EYS: variants seen among roughly 807,000 people sequenced by gnomAD.
The protein encoded by EYS is EGF-like photoreceptor maintenance factor, also known as protein eyes shut homolog.
Under a neutral mutation model 282.1 loss-of-function variants are expected in EYS, and 250 were observed. The observed-to-expected ratio is 0.89, with a 90% CI of 0.80 to 0.98. The LOEUF (loss-of-function observed/expected upper bound fraction) is 0.98. Ranked by LOEUF, EYS falls within the 50% of genes least tolerant of loss-of-function variation. The pLI is 0.00. For missense variants in EYS, 4,016 were observed against 3,709.0 expected (o/e 1.08, Z -2.15); for synonymous variants, 1,355 against 1,282.9 (o/e 1.06, Z -1.20).
intron 28 of EYS, among the ~76,000 whole-genome samples, chr6:64,427,895 AAAT>A (rs1774457685): frequency 1.3e-5 from 2 of 152,120 alleles, no homozygotes; most frequent in Non-Finnish European, 2.9e-5. Flanking sequence ...TAATTTTCTG[AAAT>A]AATGATTATT....
intron 2 of EYS, among the ~76,000 whole-genome samples, chr6:65,557,974 G>C (rs1454991510): frequency 2.0e-5 from 3 of 152,062 alleles, no homozygotes; most frequent in Non-Finnish European, 4.4e-5. Context: ...CATGCTGATT[G>C]GTTCATGGGT....
At chr6:64,792,570 A>G (rs949060841) in intron 22 of EYS, among the ~76,000 whole-genome samples, 2 of 152,028 alleles carry the variant, frequency 1.3e-5, no homozygotes, top group Non-Finnish European at 2.9e-5. Flanking sequence ...TATGAGATCA[A>G]TTGCCATTGA....
At chr6:64,237,729 ATGT>A (rs1766659404) in intron 30 of EYS, among the ~76,000 whole-genome samples, 1 of 152,216 alleles carries the variant, frequency 6.6e-6, no homozygotes, top group African/African-American at 2.4e-5. Context: ...CCAAAATTTT[ATGT>A]TGTTTTTAGT....
intron 22 of EYS, among the ~76,000 whole-genome samples, chr6:64,764,782 T>G (rs1386017604): frequency 6.6e-6 from 1 of 152,202 alleles, no homozygotes; most frequent in Non-Finnish European, 1.5e-5. Flanking sequence ...CTTGTCATCC[T>G]GGCTGGAGTG....
chr6:63,720,647 TTTAA>T lies in EYS; in HGVS notation c.9380_9383del (p.Ile3127AsnfsTer2), dbSNP rs1373607946. 1 of 1,531,112 alleles carries T rather than the reference TTTAA, an allele frequency of 6.5e-7. No individual in the cohort carries two copies. Among genetic ancestry groups the T allele is most frequent in the Non-Finnish European group, 8.8e-7 (1 of 1,137,944 alleles). The allele number at this position is 1,531,112 out of a possible 1,614,324, so 94.8% of individuals were successfully genotyped here. A position where few individuals can be genotyped will look rare whatever the true frequency, so the allele number is the denominator to read the frequency against. On this transcript the variant is annotated frameshift_variant, in exon 43 of 43. Coordinates refer to ENST00000503581, the MANE Select transcript of EYS (RefSeq NM_001142800.2). LOFTEE classifies it high-confidence loss of function. ...CATCATAAACATTGTATCCTTCTAA[TTTAA>T]TTAGTTCAATGTTTTTTGGTTCCTG...
intron 18 of EYS, among the ~76,000 whole-genome samples, chr6:64,893,379 C>T (rs1035295393): frequency 2.0e-5 from 3 of 152,028 alleles, no homozygotes; most frequent in Non-Finnish European, 4.4e-5. Flanking sequence ...AACCATGAGG[C>T]ATGTATGTAG....
At chr6:64,311,438 T>C (rs1769697176) in intron 29 of EYS, among the ~76,000 whole-genome samples, 1 of 152,242 alleles carries the variant, frequency 6.6e-6, no homozygotes, top group East Asian at 1.9e-4. Flanking sequence ...TCAAATATAG[T>C]TCTTATTATT....
intron 23 of EYS, among the ~76,000 whole-genome samples, chr6:64,620,612 G>A (rs1380286234): frequency 3.3e-5 from 5 of 152,176 alleles, no homozygotes; most frequent in Non-Finnish European, 7.3e-5. Flanking sequence ...AAACACGTAA[G>A]ATGAATAGGT....
intron 22 of EYS, among the ~76,000 whole-genome samples, chr6:64,712,820 A>C (rs1054855028): frequency 1.3e-5 from 2 of 152,200 alleles, no homozygotes; most frequent in East Asian, 3.9e-4. Flanking sequence ...CTGCAAAAGA[A>C]ACTGAAATGC....
intron 2 of EYS, among the ~76,000 whole-genome samples, chr6:65,564,632 A>G (rs1244466226): frequency 6.6e-6 from 1 of 152,174 alleles, no homozygotes; most frequent in Non-Finnish European, 1.5e-5. Context: ...CTCAAGATGG[A>G]TTAAAGCTTT....
intron 22 of EYS, among the ~76,000 whole-genome samples, chr6:64,727,753 T>C (rs1049164540): frequency 4.6e-5 from 7 of 152,148 alleles, no homozygotes; most frequent in Non-Finnish European, 4.4e-5. Context: ...AGTGACCCAA[T>C]CCTAGAACAT....
chr6:64,235,557 C>A (rs1766573720), intron 30 of EYS, among the ~76,000 whole-genome samples: 1 of 152,036 alleles, frequency 6.6e-6, no homozygotes, highest in Non-Finnish European at 1.5e-5. Flanking sequence ...TATATGTGTG[C>A]ATGTGTCTTT....
chr6:64,694,868 T>C (rs1305648620), intron 22 of EYS, among the ~76,000 whole-genome samples: 2 of 152,056 alleles, frequency 1.3e-5, no homozygotes, highest in African/African-American at 4.8e-5. Flanking sequence ...ACAAACTGCT[T>C]GTGACTTGGC....
intron 2 of EYS, among the ~76,000 whole-genome samples, chr6:65,585,593 T>G (rs1765017204): frequency 6.6e-6 from 1 of 152,018 alleles, no homozygotes; most frequent in Middle Eastern, 3.4e-3. Context: ...TCAATAACAG[T>G]TTTTAGTGTA....
intron 31 of EYS, among the ~76,000 whole-genome samples, chr6:64,093,113 A>C (rs1020950016): frequency 6.6e-6 from 1 of 151,944 alleles, no homozygotes; most frequent in Non-Finnish European, 1.5e-5. Flanking sequence ...ATTGGTCTAT[A>C]TCTCTGTTTT....
intron 15 of EYS, among the ~76,000 whole-genome samples, chr6:64,914,801 T>G (rs189405558): frequency 6.6e-6 from 1 of 152,260 alleles, no homozygotes; most frequent in Non-Finnish European, 1.5e-5. Context: ...ATTTCACAGC[T>G]GTCTAAATTT....
At chr6:64,923,979 G>A (rs978157890) in intron 15 of EYS, among the ~76,000 whole-genome samples, 1 of 152,264 alleles carries the variant, frequency 6.6e-6, no homozygotes, top group Admixed American at 6.5e-5. Flanking sequence ...GAGGATAGTG[G>A]CCCTCTTCTC....
chr6:65,088,267 C>T (rs35356326), intron 12 of EYS, among the ~76,000 whole-genome samples: 37,262 of 151,900 alleles, frequency 0.25, 4,805 homozygotes, highest in South Asian at 0.27. Context: ...TGGAACTGGG[C>T]AATAGGAAGA....
intron 29 of EYS, among the ~76,000 whole-genome samples, chr6:64,319,728 T>TAGAC (rs386407338): frequency 1.3e-5 from 2 of 151,208 alleles, no homozygotes; most frequent in Non-Finnish European, 3.0e-5. Context: ...GATGGATGGA[T>TAGAC]AGACAGATAG....
Sources: gnomAD v4.1 joint callset for allele counts (sites outside exome capture counted in the v4.1 genomes callset) on GRCh38, gnomAD v4.1.1 for gene constraint, MANE v1.5 for transcripts, NCBI Gene and HGNC (gene_info 2026-07-23, HGNC 2026-07-21) for gene names.